Variants in DPY19L3 observed in about 807,000 individuals in gnomAD.
The protein encoded by DPY19L3 is protein C-mannosyl-transferase DPY19L3.
In DPY19L3, 51 loss-of-function variants were observed where a neutral mutation model predicts 92.3. The ratio of observed to expected loss-of-function variants is 0.55; its 90% CI spans 0.44 to 0.70. The LOEUF is 0.70. Among genes scored for constraint, DPY19L3 ranks in the 30% least tolerant of loss-of-function variants. DPY19L3 has a pLI of 0.00. For missense variants in DPY19L3, 706 were observed against 855.9 expected (o/e 0.82, Z 2.18); for synonymous variants, 309 against 315.2 (o/e 0.98, Z 0.21).
At position 32,485,472 on chromosome 19, in the gene DPY19L3, A is replaced by T. The variant is rs183826584; in HGVS notation, c.*3232A>T. 1 of 152,276 alleles carries T rather than the reference A, an allele frequency of 6.6e-6. No homozygotes were observed. Among genetic ancestry groups the T allele is most frequent in the Non-Finnish European group, 1.5e-5 (1 of 68,016 alleles). The allele number at this position is 152,276 out of a possible 1,614,324, so 9.4% of individuals were successfully genotyped here. Reference sequence around the variant, plus strand: ...AGGTGGCAAAGGCATATGTAAATACATCTGATCTGCATCTTTATTTCACAG... The same window carrying T: ...AGGTGGCAAAGGCATATGTAAATACTTCTGATCTGCATCTTTATTTCACAG... On this transcript the variant is annotated 3_prime_UTR_variant, in exon 19 of 19. Coordinates refer to ENST00000392250, the MANE Select transcript of DPY19L3 (RefSeq NM_001172774.2).
intron 9 of DPY19L3, among the ~76,000 whole-genome samples, chr19:32,453,536 G>C (rs1368604797): frequency 4.6e-5 from 7 of 152,064 alleles, no homozygotes. Context: ...AAAGATGCTT[G>C]GTTGAATGCC....
chr19:32,458,289 A>G lies in DPY19L3; in HGVS notation c.1164-62A>G, dbSNP rs376074506. 5.8e-5 allele frequency: 92 copies of G among 1,587,480 alleles called. No homozygotes were observed. The South Asian group carries it at 9.7e-4, about 17-fold the overall frequency. Reference sequence around the variant, plus strand: ...AATTGCAGACTCCCTCTGAGGAAAGATGCAATGTCATTTCTTTGTCTTATA... The same window carrying G: ...AATTGCAGACTCCCTCTGAGGAAAGGTGCAATGTCATTTCTTTGTCTTATA... On this transcript the variant is annotated intron_variant, in intron 11 of 18. Transcript: ENST00000392250.
At chr19:32,423,270 G>A (rs1049572303) in intron 3 of DPY19L3, among the ~76,000 whole-genome samples, 3 of 152,068 alleles carry the variant, frequency 2.0e-5, no homozygotes, top group African/African-American at 4.8e-5. Context: ...AACAGAGCTC[G>A]CTCTGTCGCC....
intron 3 of DPY19L3, among the ~76,000 whole-genome samples, chr19:32,421,543 G>A (rs1341379652): frequency 6.6e-6 from 1 of 150,948 alleles, no homozygotes; most frequent in East Asian, 2.0e-4. Context: ...CAGGAGAATC[G>A]CTTGAACCTG....
Position 32,439,909 on chromosome 19 carries a change from A to G in DPY19L3, c.854A>G (p.Lys285Arg). The change falls in exon 8 of 19, where the codon AAG becomes AGG. Residue 285 changes from lysine (K) to arginine (R), a missense_variant and splice_region_variant. Lys to Arg is a conservative substitution (Grantham distance 26, BLOSUM62 2). Coordinates refer to ENST00000392250, the MANE Select transcript of DPY19L3 (RefSeq NM_001172774.2). ...LDSLDMLPAVKATWLYGIQIT... is the reference protein window; with the variant it reads ...LDSLDMLPAVRATWLYGIQIT... ...TCCCTGGACATGCTGCCAGCAGTGA[A>G]GGTGAGCTTTGCTTTCTTTTCTCAC... The G allele has an allele frequency of 6.2e-7, 1 of 1,612,188 alleles. No individual in the cohort carries two copies. Among genetic ancestry groups the G allele is most frequent in the South Asian group, 1.1e-5 (1 of 90,474 alleles).
At chr19:32,452,996 C>T (rs553513484) in intron 8 of DPY19L3, 149 bp from the exon 9 acceptor site, 4 of 905,718 alleles carry the variant, frequency 4.4e-6, no homozygotes, top group East Asian at 5.5e-5. Context: ...TGTGAGCCAC[C>T]GCGCCTGGCC....
At chr19:32,433,605 T>C (rs1969041599) in intron 4 of DPY19L3, among the ~76,000 whole-genome samples, 1 of 152,158 alleles carries the variant, frequency 6.6e-6, no homozygotes, top group East Asian at 1.9e-4. Flanking sequence ...TGTTTCTCTG[T>C]GGAGACGAAG....
intron 8 of DPY19L3, among the ~76,000 whole-genome samples, chr19:32,445,750 C>T (rs557754068): frequency 6.4e-4 from 97 of 152,180 alleles, no homozygotes; most frequent in Admixed American, 2.0e-3. Flanking sequence ...CCTGTAATCC[C>T]AGCACTTTGG....
chr19:32,408,626 C>T (rs1423139724), intron 2 of DPY19L3, among the ~76,000 whole-genome samples: 1 of 152,068 alleles, frequency 6.6e-6, no homozygotes, highest in African/African-American at 2.4e-5. Context: ...GAGTAATGGT[C>T]CCCCCACCCA....
At chr19:32,456,827 A>G (rs1282626402) in intron 10 of DPY19L3, among the ~76,000 whole-genome samples, 1 of 151,642 alleles carries the variant, frequency 6.6e-6, no homozygotes, top group African/African-American at 2.4e-5. Context: ...ATACTCCATA[A>G]ATATATACAC....
intron 18 of DPY19L3, chr19:32,481,765 T>C: frequency 4.5e-6 from 1 of 220,572 alleles, no homozygotes; most frequent in Non-Finnish European, 8.9e-6. Context: ...ATCACTGTAG[T>C]TCTCTGTATT....
intron 3 of DPY19L3, among the ~76,000 whole-genome samples, chr19:32,416,891 G>A (rs190690819): frequency 6.6e-6 from 1 of 152,348 alleles, no homozygotes; most frequent in East Asian, 1.9e-4. Flanking sequence ...AAGTTGGGCT[G>A]CTAGCACATG....
In DPY19L3 at chr19:32,467,678, A is replaced by G. The variant is rs1373152075; in HGVS notation, c.1615-1053A>G. ...CTTAAATAAAAGTATTATATTTTCT[A>G]CGTCAGTGGAGCATACATACATTGT... On this transcript the variant is annotated intron_variant, in intron 15 of 18. Transcript: ENST00000392250. 6.1e-6 allele frequency: 6 copies of G among 987,474 alleles called. No homozygotes were observed. In the East Asian group the frequency reaches 4.5e-4, roughly 75 times the overall value. The allele number at this position is 987,474 out of a possible 1,614,324, so 61.2% of individuals were successfully genotyped here.
chr19:32,436,544 TTA>T lies in DPY19L3; in HGVS notation c.432_433del (p.Tyr144Ter), dbSNP rs770446670. Reference sequence around the variant, plus strand: ...TTACCAAGAGGTTTTTCTCAGTATTTTATATAGAGTTCTACCCATACAGGTAT... The same window carrying T: ...TTACCAAGAGGTTTTTCTCAGTATTTTATAGAGTTCTACCCATACAGGTAT... ...NIYQEVFLSI[L>X]YRVLPIQKYL... On this transcript the variant is annotated frameshift_variant, in exon 5 of 19. Coordinates refer to ENST00000392250, the MANE Select transcript of DPY19L3 (RefSeq NM_001172774.2). LOFTEE classifies it high-confidence loss of function. 1.3e-6 allele frequency: 2 copies of T among 1,571,028 alleles called. No homozygotes were observed. The highest frequency in any genetic ancestry group is 1.7e-6 in the Non-Finnish European group (2 of 1,153,808).
chr19:32,436,709 A>G (rs1241769444), intron 5 of DPY19L3, 142 bp downstream of exon 5: 2 of 761,516 alleles, frequency 2.6e-6, no homozygotes, highest in Non-Finnish European at 3.9e-6. Flanking sequence ...TTCCATGTAT[A>G]TTATGAACTT....
chr19:32,417,129 A>G (rs1043219798), intron 3 of DPY19L3, among the ~76,000 whole-genome samples: 16 of 152,248 alleles, frequency 1.1e-4, no homozygotes, highest in African/African-American at 3.9e-4. Flanking sequence ...AAGAGCAGCC[A>G]GATTCTTTAT....
chr19:32,446,613 G>A (rs1969506822), intron 8 of DPY19L3, among the ~76,000 whole-genome samples: 1 of 151,974 alleles, frequency 6.6e-6, no homozygotes. Flanking sequence ...AAATTACTAG[G>A]GACAGAACAG....
chr19:32,445,217 G>C (rs888881549), intron 8 of DPY19L3, among the ~76,000 whole-genome samples: 3 of 151,558 alleles, frequency 2.0e-5, no homozygotes, highest in Non-Finnish European at 4.4e-5. Flanking sequence ...CGAGGCAGAC[G>C]GATCATGGGG....
intron 17 of DPY19L3, chr19:32,479,712 T>G: frequency 5.6e-6 from 2 of 356,046 alleles, no homozygotes; most frequent in South Asian, 4.2e-5. Flanking sequence ...CCCCAGAATC[T>G]GGGACGCTCA....
Sources: allele counts gnomAD v4.1 joint callset (sites outside exome capture counted in the v4.1 genomes callset), GRCh38; gene constraint gnomAD v4.1.1; transcripts MANE v1.5; gene names NCBI Gene and HGNC (gene_info 2026-07-23, HGNC 2026-07-21).